SAMD12: variants seen among roughly 807,000 people sequenced by gnomAD.
SAMD12 encodes the protein sterile alpha motif domain containing 12.
SAMD12 carries 9 observed loss-of-function variants against 15.0 expected under a neutral mutation model. The ratio of observed to expected loss-of-function variants is 0.60; its 90% CI spans 0.36 to 1.05. The LOEUF (loss-of-function observed/expected upper bound fraction) is 1.05. Among genes scored for constraint, SAMD12 ranks in the 50% least tolerant of loss-of-function variants. SAMD12 has a pLI of 0.01. For synonymous variants in SAMD12, 86 were observed against 90.1 expected (o/e 0.96, Z 0.25); for missense variants, 230 against 234.2 (o/e 0.98, Z 0.12).
chr8:118,273,576 G>A (rs1270388306), intron 4 of SAMD12, among the ~76,000 whole-genome samples: 4 of 152,166 alleles, frequency 2.6e-5, no homozygotes, highest in African/African-American at 9.7e-5. Context: ...CTTAAGAGAT[G>A]GGGGAAGGTA....
At chr8:118,206,523 C>A (rs1417675788) in intron 4 of SAMD12, among the ~76,000 whole-genome samples, 1 of 152,212 alleles carries the variant, frequency 6.6e-6, no homozygotes, top group Non-Finnish European at 1.5e-5. Flanking sequence ...ATACATCAAT[C>A]AAACAACATG....
intron 2 of SAMD12, among the ~76,000 whole-genome samples, chr8:118,543,917 G>A (rs538342347): frequency 1.3e-5 from 2 of 151,748 alleles, no homozygotes; most frequent in African/African-American, 2.4e-5. Context: ...CCAAATAACC[G>A]GGGCTAAATG....
chr8:118,563,170 G>A (rs1205249764), intron 2 of SAMD12, among the ~76,000 whole-genome samples: 2 of 152,194 alleles, frequency 1.3e-5, no homozygotes, highest in Admixed American at 6.5e-5. Context: ...AAGAGATGAT[G>A]AATTTAAAAG....
At chr8:118,476,218 A>C (rs1353292604) in intron 2 of SAMD12, among the ~76,000 whole-genome samples, 1 of 152,146 alleles carries the variant, frequency 6.6e-6, no homozygotes, top group Non-Finnish European at 1.5e-5. Flanking sequence ...GAGAGACACA[A>C]TCTTAGCTGC....
At chr8:118,410,284 C>T (rs1485730314) in intron 3 of SAMD12, among the ~76,000 whole-genome samples, 1 of 152,150 alleles carries the variant, frequency 6.6e-6, no homozygotes, top group South Asian at 2.1e-4. Flanking sequence ...TCCTATTTCT[C>T]ACTGACTACA....
At chr8:118,458,948 ATATGTGTG>A (rs961676002) in intron 2 of SAMD12, among the ~76,000 whole-genome samples, 20 of 75,228 alleles carry the variant, frequency 2.7e-4, no homozygotes, top group East Asian at 1.3e-3. Flanking sequence ...CTTCAGCTAT[ATATGTGTG>A]TGTGTGTGTG....
chr8:118,517,194 T>G (rs1825266926), intron 2 of SAMD12, among the ~76,000 whole-genome samples: 1 of 152,136 alleles, frequency 6.6e-6, no homozygotes, highest in South Asian at 2.1e-4. Context: ...AATAGAGTAG[T>G]TAAAAAGCAA....
At chr8:118,513,126 A>T (rs1435279129) in intron 2 of SAMD12, among the ~76,000 whole-genome samples, 3 of 152,192 alleles carry the variant, frequency 2.0e-5, no homozygotes, top group Non-Finnish European at 4.4e-5. Flanking sequence ...TCTTGGCAAA[A>T]TAAATACTAC....
intron 1 of SAMD12, among the ~76,000 whole-genome samples, chr8:118,602,128 G>A (rs1827877848): frequency 6.6e-6 from 1 of 151,996 alleles, no homozygotes; most frequent in African/African-American, 2.4e-5. Flanking sequence ...CCTCCTAACT[G>A]CCAAATAGGA....
chr8:118,413,585 C>T (rs562276213), intron 3 of SAMD12, among the ~76,000 whole-genome samples: 2 of 152,236 alleles, frequency 1.3e-5, no homozygotes, highest in African/African-American at 4.8e-5. Context: ...ATTCTCTTGA[C>T]AATTAACTGT....
chr8:118,249,816 T>C (rs990250438), intron 4 of SAMD12, among the ~76,000 whole-genome samples: 1 of 152,036 alleles, frequency 6.6e-6, no homozygotes, highest in African/African-American at 2.4e-5. Flanking sequence ...AAACTGTAAA[T>C]GGGATTATTT....
intron 2 of SAMD12, among the ~76,000 whole-genome samples, chr8:118,545,183 C>T (rs1826089631): frequency 6.6e-6 from 1 of 152,122 alleles, no homozygotes; most frequent in South Asian, 2.1e-4. Context: ...ACAAGAACCC[C>T]AGGCCAGGCA....
chr8:118,177,096 C>A, the SAMD12 span, among the ~76,000 whole-genome samples: 6 of 152,160 alleles, frequency 3.9e-5, no homozygotes, highest in Admixed American at 1.3e-4. Context: ...TCGGGTATCA[C>A]AAAATTGGGC....
intron 2 of SAMD12, among the ~76,000 whole-genome samples, chr8:118,531,433 AC>A (rs1825682229): frequency 6.6e-6 from 1 of 152,136 alleles, no homozygotes; most frequent in African/African-American, 2.4e-5. Flanking sequence ...TTCCATATGA[AC>A]TTTACAGTAG....
intron 3 of SAMD12, among the ~76,000 whole-genome samples, chr8:118,423,858 A>G (rs1215705968): frequency 6.6e-6 from 1 of 152,180 alleles, no homozygotes; most frequent in Non-Finnish European, 1.5e-5. Flanking sequence ...AATATACGAA[A>G]AATACTTCCT....
chr8:118,318,756 A>G (rs1359425898), intron 4 of SAMD12, among the ~76,000 whole-genome samples: 1 of 152,080 alleles, frequency 6.6e-6, no homozygotes, highest in Non-Finnish European at 1.5e-5. Flanking sequence ...TGAGGGAGAG[A>G]AGAAGGCACT....
At chr8:118,621,701 C>A in intron 1 of SAMD12, 103 bp downstream of exon 1, 1 of 1,349,010 alleles carries the variant, frequency 7.4e-7, no homozygotes, top group Admixed American at 1.7e-5. Context: ...TCTCCGCCAC[C>A]CCCTTTCCTC....
chr8:118,320,546 T>G (rs1816178684), intron 4 of SAMD12, among the ~76,000 whole-genome samples: 1 of 151,436 alleles, frequency 6.6e-6, no homozygotes, highest in South Asian at 2.1e-4. Flanking sequence ...TATTGAAAAA[T>G]CATTGACCAA....
At chr8:118,325,247 G>T (rs1224499179) in intron 4 of SAMD12, among the ~76,000 whole-genome samples, 1 of 152,160 alleles carries the variant, frequency 6.6e-6, no homozygotes, top group African/African-American at 2.4e-5. Context: ...TTTTTAAATA[G>T]GAGCAGGAAT....
Sources: gnomAD v4.1 joint callset for allele counts (sites outside exome capture counted in the v4.1 genomes callset) on GRCh38, gnomAD v4.1.1 for gene constraint, MANE v1.5 for transcripts, NCBI Gene and HGNC (gene_info 2026-07-23, HGNC 2026-07-21) for gene names.